The following DLGAP2 variants were observed in gnomAD, a reference collection of about 807,000 sequenced individuals.
DLGAP2 encodes the protein DLG associated protein 2, also known as disks large-associated protein 2.
In DLGAP2, 26 loss-of-function variants were observed where a neutral mutation model predicts 100.3. That is an observed-to-expected ratio of 0.26 (90% CI 0.19 to 0.36). The LOEUF (loss-of-function observed/expected upper bound fraction) is 0.36. DLGAP2 is among the 10% of genes least tolerant of loss of function. DLGAP2 has a pLI of 1.00. For synonymous variants in DLGAP2, 886 were observed against 630.1 expected, an observed-to-expected ratio of 1.41 and a Z score of -6.08; for missense variants, 1,858 against 1,453.2, an observed-to-expected ratio of 1.28 and a Z score of -4.53.
At chr8:1,096,681 A>G (rs1454205040) in intron 2 of DLGAP2, among the ~76,000 whole-genome samples, 1 of 141,552 alleles carries the variant, frequency 7.1e-6, no homozygotes, top group Non-Finnish European at 1.5e-5. Context: ...GCAGGCCTTC[A>G]CCCTCTGTGG....
At chr8:1,466,120 T>C (rs1798619570) in intron 3 of DLGAP2, among the ~76,000 whole-genome samples, 1 of 152,182 alleles carries the variant, frequency 6.6e-6, no homozygotes, top group Non-Finnish European at 1.5e-5. Flanking sequence ...ATTAACCATA[T>C]TCGTGTTGGA....
intron 2 of DLGAP2, among the ~76,000 whole-genome samples, chr8:1,069,459 A>C (rs920846078): frequency 6.6e-6 from 1 of 152,108 alleles, no homozygotes; most frequent in Non-Finnish European, 1.5e-5. Flanking sequence ...CATTTTTAGA[A>C]TGCTACAAAA....
At chr8:1,197,390 CG>C (rs1444665039) in intron 2 of DLGAP2, among the ~76,000 whole-genome samples, 6 of 152,352 alleles carry the variant, frequency 3.9e-5, no homozygotes, top group South Asian at 2.1e-4. Context: ...CTTTTCTTTC[CG>C]GGGAACCCAA....
At chr8:1,253,144 G>T (rs1178003558) in intron 2 of DLGAP2, among the ~76,000 whole-genome samples, 1 of 152,230 alleles carries the variant, frequency 6.6e-6, no homozygotes, top group Non-Finnish European at 1.5e-5. Flanking sequence ...TTCATGGCTG[G>T]GTTGGAACCA....
chr8:1,124,037 C>T (rs1248378374), intron 2 of DLGAP2, among the ~76,000 whole-genome samples: 1 of 152,154 alleles, frequency 6.6e-6, no homozygotes, highest in Non-Finnish European at 1.5e-5. Flanking sequence ...TTCAGCCCTT[C>T]ATTTTCCCTG....
intron 1 of DLGAP2, among the ~76,000 whole-genome samples, chr8:893,680 G>T (rs781460618): frequency 6.6e-6 from 1 of 152,198 alleles, no homozygotes; most frequent in Admixed American, 6.5e-5. Flanking sequence ...AGCATCCAGC[G>T]GCCCTCCTGC....
chr8:1,444,923 C>T (rs1317696751), intron 3 of DLGAP2, among the ~76,000 whole-genome samples: 2 of 151,544 alleles, frequency 1.3e-5, no homozygotes, highest in East Asian at 1.9e-4. Flanking sequence ...TAGGCGTGTG[C>T]CCCATGCCCA....
chr8:1,410,121 A>C (rs1298102920), intron 3 of DLGAP2, among the ~76,000 whole-genome samples: 4 of 152,160 alleles, frequency 2.6e-5, no homozygotes, highest in Non-Finnish European at 5.9e-5. Flanking sequence ...CGCTGACACC[A>C]AGTGCCCAAG....
At chr8:1,303,548 A>G (rs901674445) in intron 3 of DLGAP2, among the ~76,000 whole-genome samples, 10 of 151,976 alleles carry the variant, frequency 6.6e-5, no homozygotes, top group African/African-American at 2.4e-4. Flanking sequence ...GGTCTTATCC[A>G]TTAGGTTTAA....
At chr8:1,154,822 C>T (rs1181045546) in intron 2 of DLGAP2, among the ~76,000 whole-genome samples, 2 of 152,178 alleles carry the variant, frequency 1.3e-5, no homozygotes, top group Non-Finnish European at 2.9e-5. Flanking sequence ...CTGACAAAGG[C>T]CCGGGGTGCC....
chr8:1,471,898 G>C (rs1309227528), intron 3 of DLGAP2, among the ~76,000 whole-genome samples: 11 of 152,200 alleles, frequency 7.2e-5, no homozygotes, highest in Non-Finnish European at 1.5e-5. Context: ...GCAGGCCTGC[G>C]GTCCGTAAAC....
intron 4 of DLGAP2, among the ~76,000 whole-genome samples, chr8:1,540,945 G>C (rs1165576088): frequency 3.3e-5 from 5 of 152,232 alleles, no homozygotes; most frequent in African/African-American, 1.2e-4. Flanking sequence ...GCTCCTGTGA[G>C]CACAGCAGCA....
chr8:899,907 C>T (rs945312326), intron 1 of DLGAP2, among the ~76,000 whole-genome samples: 2 of 152,192 alleles, frequency 1.3e-5, no homozygotes, highest in African/African-American at 4.8e-5. Context: ...CTGTGGGACG[C>T]CCCGTGGGAC....
chr8:1,171,844 C>G (rs943324653), intron 2 of DLGAP2, among the ~76,000 whole-genome samples: 3 of 152,110 alleles, frequency 2.0e-5, no homozygotes, highest in Non-Finnish European at 4.4e-5. Flanking sequence ...TCCAATTTGC[C>G]AGTCTGTGTC....
rs548004403 is a variant in DLGAP2 at position 1,124,341 on chromosome 8, G to A, written c.74-134510G>A. On this transcript the variant is annotated intron_variant, in intron 2 of 14. Coordinates refer to ENST00000637795, the MANE Select transcript of DLGAP2 (RefSeq NM_001346810.2). ...GTTTCCACTTCCAGAAGGGTTACCT[G>A]TGGCCCAGACTCCTCTCTCAGGGAC... 2.9e-3 allele frequency among the ~76,000 whole-genome samples: 449 copies of A among 152,272 alleles called. 3 individuals carry two copies. Among genetic ancestry groups the A allele is most frequent in the Non-Finnish European group, 3.5e-3 (235 of 68,020 alleles).
intron 6 of DLGAP2, among the ~76,000 whole-genome samples, chr8:1,583,065 A>G (rs1444550766): frequency 1.3e-5 from 2 of 152,216 alleles, no homozygotes; most frequent in African/African-American, 2.4e-5. Flanking sequence ...TTATGAAACA[A>G]TGGATCGTGG....
chr8:821,035 C>A (rs1362676465), intron 1 of DLGAP2, among the ~76,000 whole-genome samples: 3 of 152,168 alleles, frequency 2.0e-5, no homozygotes, highest in Admixed American at 6.5e-5. Flanking sequence ...TGTACGTTAA[C>A]TGCTTACAGG....
At chr8:794,901 T>C (rs1397402039) in intron 1 of DLGAP2, among the ~76,000 whole-genome samples, 1 of 152,160 alleles carries the variant, frequency 6.6e-6, no homozygotes, top group African/African-American at 2.4e-5. Context: ...ACGGGGTCCC[T>C]GGTGGCGTGA....
chr8:1,408,217 C>T (rs973410094), intron 3 of DLGAP2, among the ~76,000 whole-genome samples: 2 of 152,248 alleles, frequency 1.3e-5, no homozygotes, highest in African/African-American at 2.4e-5. Context: ...TGTGCTCTTT[C>T]CACCTGCCTC....
Sources: gnomAD v4.1 joint callset for allele counts (sites outside exome capture counted in the v4.1 genomes callset) on GRCh38, gnomAD v4.1.1 for gene constraint, MANE v1.5 for transcripts, NCBI Gene and HGNC (gene_info 2026-07-23, HGNC 2026-07-21) for gene names.